The following MAP2K5 variants were observed in gnomAD, a reference collection of about 807,000 sequenced individuals.
The protein encoded by MAP2K5 is mitogen-activated protein kinase kinase 5, also known as dual specificity mitogen-activated protein kinase kinase 5.
A neutral mutation model predicts 83.1 loss-of-function variants in MAP2K5; 49 were observed. The observed-to-expected ratio is 0.59, with a 90% CI of 0.47 to 0.75. The LOEUF (loss-of-function observed/expected upper bound fraction) is 0.75, where lower values mean the gene tolerates loss of function less well. MAP2K5 is among the 30% of genes least tolerant of loss of function. The pLI, the probability that MAP2K5 is intolerant of heterozygous loss-of-function variation, is 0.00. For missense variants in MAP2K5, 457 were observed against 557.5 expected (o/e 0.82, Z 1.82); for synonymous variants, 202 against 191.8 (o/e 1.05, Z -0.44).
In MAP2K5 at chr15:67,785,972, T is replaced by C. The variant is rs1272377828; in HGVS notation, c.1242+13220T>C. ...AGCCTGAGCTGCTTCATCTGTAAAA[T>C]GGGGTAATGATACCAACTTCACAGG... On this transcript the variant is annotated intron_variant, in intron 21 of 21. Transcript: ENST00000178640. The surrounding 1 kb of genome is among the most constrained non-coding windows in gnomAD (Gnocchi z 4.4). 6.6e-6 allele frequency among the ~76,000 whole-genome samples: 1 copy of C among 151,504 alleles called. No homozygotes were observed. Among genetic ancestry groups the C allele is most frequent in the Non-Finnish European group, 1.5e-5 (1 of 67,938 alleles).
At chr15:67,784,389 A>T (rs1449872300) in intron 21 of MAP2K5, among the ~76,000 whole-genome samples, 1 of 152,372 alleles carries the variant, frequency 6.6e-6, no homozygotes, top group East Asian at 1.9e-4. Flanking sequence ...CAAATACAGG[A>T]CCACACAAAC....
At position 67,770,155 on chromosome 15, in the gene MAP2K5, A is replaced by T. The variant is rs969555719; in HGVS notation, c.1196+492A>T. Among the ~76,000 whole-genome samples, 17 of 152,268 alleles carry T rather than the reference A, an allele frequency of 1.1e-4. No individual in the cohort carries two copies. The highest frequency in any genetic ancestry group is 4.1e-4 in the African/African-American group (17 of 41,536). On this transcript the variant is annotated intron_variant, in intron 20 of 21. Transcript: ENST00000178640. The surrounding 1 kb of genome is among the most constrained non-coding windows in gnomAD (Gnocchi z 5.0). ...TGGGGTACCATTTCAATGAATTTTG[A>T]CATTTGGAAGACTATGAAAACAGTT...
intron 9 of MAP2K5, among the ~76,000 whole-genome samples, chr15:67,631,156 A>G (rs1020350232): frequency 7.2e-5 from 11 of 152,332 alleles, no homozygotes; most frequent in Middle Eastern, 3.4e-3. Flanking sequence ...CTTGCCAAGA[A>G]GAGAAAATTT....
chr15:67,645,517 C>T (rs2086811244), intron 9 of MAP2K5, among the ~76,000 whole-genome samples: 1 of 152,172 alleles, frequency 6.6e-6, no homozygotes, highest in African/African-American at 2.4e-5. Context: ...TCATCATCCT[C>T]TCTGCTTATT....
In MAP2K5 at chr15:67,794,083, G is replaced by T. The variant is rs938957348; in HGVS notation, c.1243-12563G>T. On this transcript the variant is annotated intron_variant, in intron 21 of 21. Coordinates refer to ENST00000178640, the MANE Select transcript of MAP2K5 (RefSeq NM_145160.3). This position sits in a 1 kb window ranked among gnomAD's most constrained non-coding sequence, Gnocchi z 4.6. ...TGGTTTCATGAGGCTCTGCAGTGAA[G>T]GTGGCCAGCTTATTTGTAACCAAAG... 2.6e-5 allele frequency among the ~76,000 whole-genome samples: 4 copies of T among 152,200 alleles called. No homozygotes were observed. The highest frequency in any genetic ancestry group is 5.9e-5 in the Non-Finnish European group (4 of 68,034).
chr15:67,650,542 G>T (rs949530364), intron 11 of MAP2K5, among the ~76,000 whole-genome samples: 2 of 150,812 alleles, frequency 1.3e-5, no homozygotes, highest in African/African-American at 2.4e-5. Context: ...TTATGAAAGG[G>T]TATTAAATTT....
At chr15:67,583,170 T>G (rs1367808993) in intron 4 of MAP2K5, among the ~76,000 whole-genome samples, 1 of 152,220 alleles carries the variant, frequency 6.6e-6, no homozygotes, top group Non-Finnish European at 1.5e-5. Context: ...GTCACACAGC[T>G]TATAAGTGCT....
chr15:67,623,337 A>G (rs758677609), intron 8 of MAP2K5, among the ~76,000 whole-genome samples: 32 of 152,234 alleles, frequency 2.1e-4, no homozygotes, highest in Admixed American at 9.8e-4. Flanking sequence ...AAGTTGGAAC[A>G]TGGTATATCC....
In MAP2K5 at chr15:67,696,843, G is replaced by T. The variant is rs376806613; in HGVS notation, c.972+3275G>T. On this transcript the variant is annotated intron_variant, in intron 15 of 21. Transcript: ENST00000178640. Reference sequence around the variant, plus strand: ...AAATACAAAAAATCAGCTGGGCGTGGTGGTGCATGCCTGTAATCCCAGCTA... The same window carrying T: ...AAATACAAAAAATCAGCTGGGCGTGTTGGTGCATGCCTGTAATCCCAGCTA... 5.4e-4 allele frequency among the ~76,000 whole-genome samples: 82 copies of T among 152,296 alleles called. 1 individual carries two copies. The South Asian group carries it at 0.016, about 30-fold the overall frequency.
At chr15:67,616,144 A>G (rs1439267946) in intron 8 of MAP2K5, among the ~76,000 whole-genome samples, 1 of 149,502 alleles carries the variant, frequency 6.7e-6, no homozygotes, top group Non-Finnish European at 1.5e-5. Flanking sequence ...CTAAATTTAC[A>G]TAAAAGCAGG....
chr15:67,761,778 GT>G (rs1184435698), intron 19 of MAP2K5, among the ~76,000 whole-genome samples: 3 of 152,106 alleles, frequency 2.0e-5, no homozygotes, highest in Admixed American at 6.5e-5. Flanking sequence ...CCTATTAAGG[GT>G]TTTTTTCTCT....
rs2088777765 is a variant in MAP2K5, at chr15:67,714,413, GGA to G, written c.1044+11006_1044+11007del. 2.6e-4 allele frequency among the ~76,000 whole-genome samples: 11 copies of G among 42,682 alleles called. 5 individuals are homozygous for G. The highest frequency in any genetic ancestry group is 2.5e-3 in the South Asian group (2 of 804). The allele number at this position is 42,682 out of a possible 152,430, so 28.0% of individuals were successfully genotyped here. On this transcript the variant is annotated intron_variant, in intron 16 of 21. Coordinates refer to ENST00000178640, the MANE Select transcript of MAP2K5 (RefSeq NM_145160.3). The stretch of plus-strand genomic sequence containing the variant: ...CCCCCCACCCCTACCCAGCTGCCAG[GGA>G]AAAAAAAAAAAAAAAAAAAAAAAAA...
At chr15:67,604,749 G>T (rs1157951271) in intron 8 of MAP2K5, among the ~76,000 whole-genome samples, 2 of 151,900 alleles carry the variant, frequency 1.3e-5, no homozygotes, top group African/African-American at 4.8e-5. Flanking sequence ...ATAAAAATTA[G>T]CTGGGCATGG....
intron 5 of MAP2K5, 94 bp from the exon 6 acceptor site, chr15:67,586,752 C>T (rs1019807629): frequency 2.6e-6 from 3 of 1,138,944 alleles, no homozygotes; most frequent in African/African-American, 3.0e-5. Flanking sequence ...AATTAACCTT[C>T]ATAGTGAAAT....
intron 13 of MAP2K5, among the ~76,000 whole-genome samples, chr15:67,691,096 C>T (rs1182168681): frequency 6.6e-6 from 1 of 152,210 alleles, no homozygotes; most frequent in Admixed American, 6.5e-5. Context: ...GTTCACCCCT[C>T]ATCACTGAAA....
chr15:67,742,242 T>A (rs530718180), intron 17 of MAP2K5, among the ~76,000 whole-genome samples: 1 of 152,326 alleles, frequency 6.6e-6, no homozygotes, highest in East Asian at 1.9e-4. Context: ...ATCATTGGAA[T>A]CTCATCATTA....
chr15:67,625,559 T>G (rs192144150), intron 8 of MAP2K5, among the ~76,000 whole-genome samples: 5 of 152,348 alleles, frequency 3.3e-5, no homozygotes, highest in African/African-American at 1.2e-4. Context: ...ACTTTACAAT[T>G]AATGTGTTGA....
At position 67,758,447 on chromosome 15, in the gene MAP2K5, C is replaced by T. The variant is rs111476365; in HGVS notation, c.1134+9846C>T. Among the ~76,000 whole-genome samples the T allele has an allele frequency of 6.5e-3, 983 of 152,236 alleles. 11 individuals are homozygous for T. The highest frequency in any genetic ancestry group is 0.022 in the African/African-American group (922 of 41,534). Reference sequence around the variant, plus strand: ...GTTCTTGGGAGATCACCAAGCACCTCATTCAAAACTATATTCATTCCTGCT... The same window carrying T: ...GTTCTTGGGAGATCACCAAGCACCTTATTCAAAACTATATTCATTCCTGCT... On this transcript the variant is annotated intron_variant, in intron 19 of 21. Coordinates refer to ENST00000178640, the MANE Select transcript of MAP2K5 (RefSeq NM_145160.3). The surrounding 1 kb of genome is among the most constrained non-coding windows in gnomAD (Gnocchi z 4.7).
chr15:67,761,419 C>T (rs953454776), intron 19 of MAP2K5, among the ~76,000 whole-genome samples: 2 of 152,172 alleles, frequency 1.3e-5, no homozygotes, highest in Admixed American at 6.5e-5. Flanking sequence ...GCTGAAGCAG[C>T]CTTTGAATTT....
Sources: gnomAD v4.1 joint callset for allele counts (sites outside exome capture counted in the v4.1 genomes callset) on GRCh38, gnomAD v4.1.1 for gene constraint, Gnocchi (gnomAD v3.1) non-coding constraint, MANE v1.5 for transcripts, NCBI Gene and HGNC (gene_info 2026-07-23, HGNC 2026-07-21) for gene names.